SCART1: variants seen among roughly 807,000 people sequenced by gnomAD.
SCART1 encodes the protein scavenger receptor family member expressed on T cells 1, also known as scavenger receptor cysteine-rich domain-containing protein SCART1.
SCART1 carries 62 observed loss-of-function variants against 36.2 expected under a neutral mutation model. That is an observed-to-expected ratio of 1.71 (90% CI 1.40 to 2.12). The LOEUF is 2.12. SCART1 is among the 30% of genes most tolerant of loss of function. The pLI is 0.00. For missense variants in SCART1, 1,041 were observed against 540.5 expected, an observed-to-expected ratio of 1.93 and a Z score of -9.18; for synonymous variants, 487 against 238.7, an observed-to-expected ratio of 2.04 and a Z score of -9.59.
chr10:133,466,027 T>C (rs1169364182), intron 9 of SCART1: 10 of 657,094 alleles, frequency 1.5e-5, no homozygotes, highest in Non-Finnish European at 2.8e-5. Flanking sequence ...AAGGGGGCTG[T>C]CCCTTGAAAG....
At chr10:133,456,355 C>T (rs752099509) in exon 2 of SCART1, 7 of 702,936 alleles carry the variant, frequency 1.0e-5, no homozygotes, top group Middle Eastern at 2.3e-4. Flanking sequence ...TGGCAGAGGC[C>T]TCTGTCGTGT....
At chr10:133,465,934 C>T (rs1850759937) in intron 9 of SCART1, 1 of 671,412 alleles carries the variant, frequency 1.5e-6, no homozygotes, top group Non-Finnish European at 2.7e-6. Flanking sequence ...GGTAACTTTC[C>T]CTGAGCCACT....
At chr10:133,464,432 C>A (rs1337296661) in intron 6 of SCART1, 174 bp from the exon 7 acceptor site, 1 of 579,076 alleles carries the variant, frequency 1.7e-6, no homozygotes, top group South Asian at 2.2e-5. Context: ...CTATACACAG[C>A]AGTGGGATTG....
Position 133,465,075 on chromosome 10 carries a change from G to C in SCART1, c.2276-31G>C, listed in dbSNP as rs773002437. On this transcript the variant is annotated intron_variant, in intron 7 of 11. Transcript: ENST00000640237. ...TCCTTGTGAAGCTTCTCTGGGCACCGAAGCTCTCAGAGCTGCTGTTTAACC... is the reference window on the plus strand; with the variant it reads ...TCCTTGTGAAGCTTCTCTGGGCACCCAAGCTCTCAGAGCTGCTGTTTAACC... 54 of 702,822 alleles carry C rather than the reference G, an allele frequency of 7.7e-5. 1 individual carries two copies. In the South Asian group the frequency reaches 8.0e-4, roughly 10 times the overall value. The allele number at this position is 702,822 out of a possible 1,614,324, so 43.5% of individuals were successfully genotyped here. A position where few individuals can be genotyped will look rare whatever the true frequency, so the allele number is the denominator to read the frequency against.
exon 4 of SCART1, chr10:133,458,521 C>T (rs1314483336): frequency 2.2e-5 from 15 of 674,758 alleles, no homozygotes; most frequent in East Asian, 5.4e-5. Flanking sequence ...CGAGGGCGCC[C>T]GCTTCGGCCG....
At chr10:133,458,994 G>T (rs1850658464) in intron 4 of SCART1, 27 bp from the exon 5 acceptor site, 3 of 653,664 alleles carry the variant, frequency 4.6e-6, no homozygotes, top group Non-Finnish European at 8.4e-6. Context: ...CCGTCTGCAA[G>T]CCAGGCTGAC....
Position 133,467,181 on chromosome 10 carries a change from T to C in SCART1, c.2807-17T>C, listed in dbSNP as rs1370498170. ...CACACTGAGGGCCTGTGTGTGACCATGCTCACCTTGCCTCAGGTCTGGGAA... is the reference window on the plus strand; with the variant it reads ...CACACTGAGGGCCTGTGTGTGACCACGCTCACCTTGCCTCAGGTCTGGGAA... On this transcript the variant is annotated splice_polypyrimidine_tract_variant and intron_variant, in intron 10 of 11. Transcript: ENST00000640237. 8 of 685,310 alleles carry C rather than the reference T, an allele frequency of 1.2e-5. No individual in the cohort carries two copies. The allele number at this position is 685,310 out of a possible 1,614,324, so 42.5% of individuals were successfully genotyped here.
Position 133,461,249 on chromosome 10 carries a change from G to A in SCART1, c.1969+1079G>A, listed in dbSNP as rs542801048. Among the ~76,000 whole-genome samples, 7 of 151,590 alleles carry A rather than the reference G, an allele frequency of 4.6e-5. No homozygotes were observed. The East Asian group carries it at 7.8e-4, about 17-fold the overall frequency. On this transcript the variant is annotated intron_variant, in intron 6 of 11. Coordinates refer to ENST00000640237, the Ensembl canonical transcript of SCART1. The stretch of plus-strand genomic sequence containing the variant: ...ACCTGCGGCCTCCTGAGCGGGTCAC[G>A]GGCTGCCCATCTGACCTGCGGTCTC...
At chr10:133,465,728 C>T (rs1465889982) in intron 9 of SCART1, 163 bp downstream of exon 9, 1 of 626,666 alleles carries the variant, frequency 1.6e-6, no homozygotes, top group African/African-American at 1.8e-5. Context: ...GCTGTGGAGG[C>T]CTGTTTGGGA....
chr10:133,455,994 T>C (rs1414194723), intron 1 of SCART1, among the ~76,000 whole-genome samples: 1 of 151,766 alleles, frequency 6.6e-6, no homozygotes. Context: ...GCCTGGGGGA[T>C]GGGGTCCTCC....
At chr10:133,455,765 G>A (rs1016727061) in intron 1 of SCART1, among the ~76,000 whole-genome samples, 2 of 152,008 alleles carry the variant, frequency 1.3e-5, no homozygotes, top group African/African-American at 2.4e-5. Flanking sequence ...GGCAGGCAGG[G>A]GTGGTTTTCC....
exon 9 of SCART1, chr10:133,465,378 C>T: frequency 1.5e-6 from 1 of 668,400 alleles, no homozygotes. Context: ...AGGTCGTGTG[C>T]CGCCAGCTGG....
rs528238719 is a variant in SCART1 at position 133,465,339 on chromosome 10, C to A, written c.2433C>A (p.Cys811Ter). The A allele has an allele frequency of 4.2e-4, 292 of 688,216 alleles. 1 individual carries two copies. In the Middle Eastern group the frequency reaches 4.9e-3, roughly 12 times the overall value. The allele number at this position is 688,216 out of a possible 1,614,324, so 42.6% of individuals were successfully genotyped here. A position where few individuals can be genotyped will look rare whatever the true frequency, so the allele number is the denominator to read the frequency against. Residue 811 changes from cysteine to a stop codon, truncating the protein, a stop_gained, in exon 9 of 12, where the codon TGC becomes TGA. Transcript: ENST00000640237. LOFTEE classifies it high-confidence loss of function. ...ACGCGGGCTCCTGGGGCACCGTGTG[C>A]GACGATGGCTGGGACCTGGCGGACG...
intron 1 of SCART1, 43 bp from the exon 2 acceptor site, chr10:133,456,194 C>T: frequency 1.5e-6 from 1 of 677,312 alleles, no homozygotes. Flanking sequence ...TCCTGCGCCT[C>T]TGGTTGGTTC....
rs755866578 is a variant in SCART1, at chr10:133,458,350, C to T, written c.683-10C>T. The T allele has an allele frequency of 1.4e-6, 1 of 702,538 alleles. No homozygotes were observed. The highest frequency in any genetic ancestry group is 2.6e-6 in the Non-Finnish European group (1 of 384,744). The allele number at this position is 702,538 out of a possible 1,614,324, so 43.5% of individuals were successfully genotyped here. On this transcript the variant is annotated splice_polypyrimidine_tract_variant and intron_variant, in intron 3 of 11. Transcript: ENST00000640237. ...ACCTGTCTCCTGCCTGAGAGGACGTCTGCCCCCAGGACACACCGAGGCCCG... is the reference window on the plus strand; with the variant it reads ...ACCTGTCTCCTGCCTGAGAGGACGTTTGCCCCCAGGACACACCGAGGCCCG...
At chr10:133,468,073 C>T in exon 12 of SCART1, 1 of 591,754 alleles carries the variant, frequency 1.7e-6, no homozygotes, top group Non-Finnish European at 3.1e-6. Flanking sequence ...ATGCCTTTCT[C>T]TTGCAATGTC....
At chr10:133,454,879 G>A (rs2133548206) in intron 1 of SCART1, among the ~76,000 whole-genome samples, 2 of 152,280 alleles carry the variant, frequency 1.3e-5, no homozygotes, top group South Asian at 4.1e-4. Flanking sequence ...TGGAAGCCTG[G>A]GGTTGAAGGG....
At position 133,458,660 on chromosome 10, in the gene SCART1, A is replaced by G. The variant is rs1209849973; in HGVS notation, c.979+4A>G. On this transcript the variant is annotated splice_donor_region_variant and intron_variant, in intron 4 of 11. Transcript: ENST00000640237. ...GACGCGGGGCTCAGGTGCTCAGGTGAAGTCCTGTGTGTGGGCTCTGAAGGC... is the reference window on the plus strand; with the variant it reads ...GACGCGGGGCTCAGGTGCTCAGGTGGAGTCCTGTGTGTGGGCTCTGAAGGC... The G allele has an allele frequency of 4.3e-6, 3 of 700,240 alleles. No homozygotes were observed. In the East Asian group the frequency reaches 8.1e-5, roughly 19 times the overall value. The allele number at this position is 700,240 out of a possible 1,614,324, so 43.4% of individuals were successfully genotyped here. A position where few individuals can be genotyped will look rare whatever the true frequency, so the allele number is the denominator to read the frequency against.
At chr10:133,467,431 C>G (rs1850774941) in intron 11 of SCART1, 78 bp downstream of exon 11, 1 of 633,894 alleles carries the variant, frequency 1.6e-6, no homozygotes, top group Non-Finnish European at 2.8e-6. Context: ...TGGAAAGGGA[C>G]TCTGACCACA....
Sources: allele counts gnomAD v4.1 joint callset (sites outside exome capture counted in the v4.1 genomes callset), GRCh38; gene constraint gnomAD v4.1.1; transcripts MANE v1.5; gene names NCBI Gene and HGNC (gene_info 2026-07-23, HGNC 2026-07-21).